Variants in DGKB observed in about 807,000 individuals in gnomAD.
DGKB encodes the protein diacylglycerol kinase beta.
A neutral mutation model predicts 114.3 loss-of-function variants in DGKB; 67 were observed. The observed-to-expected ratio is 0.59, with a 90% CI of 0.48 to 0.72. The LOEUF (loss-of-function observed/expected upper bound fraction) is 0.72, where lower values mean the gene tolerates loss of function less well. Ranked by LOEUF, DGKB falls within the 30% of genes least tolerant of loss-of-function variation. The pLI, the probability that DGKB is intolerant of heterozygous loss-of-function variation, is 0.00. For synonymous variants in DGKB, 398 were observed against 323.1 expected, an observed-to-expected ratio of 1.23 and a Z score of -2.49; for missense variants, 907 against 975.2, an observed-to-expected ratio of 0.93 and a Z score of 0.93.
chr7:14,292,226 C>A (rs17168052), intron 23 of DGKB, among the ~76,000 whole-genome samples: 1,817 of 152,188 alleles, frequency 0.012, 38 homozygotes, highest in African/African-American at 0.041. Context: ...CTCATTTACG[C>A]GTTTTCATCT....
intron 1 of DGKB, among the ~76,000 whole-genome samples, chr7:14,926,107 AT>A (rs1458330486): frequency 6.6e-6 from 1 of 151,950 alleles, no homozygotes; most frequent in African/African-American, 2.4e-5. Context: ...TCATGAATAG[AT>A]TTTTTTCAAA....
chr7:14,365,545 C>T (rs1183097359), intron 21 of DGKB, among the ~76,000 whole-genome samples: 2 of 151,972 alleles, frequency 1.3e-5, no homozygotes, highest in East Asian at 1.9e-4. Flanking sequence ...TAGTATAATA[C>T]ATAGATCATA....
chr7:14,846,175 A>G (rs147329552), intron 1 of DGKB, among the ~76,000 whole-genome samples: 277 of 152,302 alleles, frequency 1.8e-3, no homozygotes, highest in African/African-American at 6.2e-3. Context: ...TTACAAAATA[A>G]TGGTATCTCT....
chr7:14,810,406 T>G (rs1376701106), intron 2 of DGKB, among the ~76,000 whole-genome samples: 2 of 152,200 alleles, frequency 1.3e-5, no homozygotes, highest in Non-Finnish European at 2.9e-5. Context: ...TCTCTGACAT[T>G]TAAATATAAT....
At position 14,840,744 on chromosome 7, in the gene DGKB, A is replaced by ACACACACACACACC. The variant is rs1554298987; in HGVS notation, c.70+449_70+450insGGTGTGTGTGTGTG. 4.5e-4 allele frequency among the ~76,000 whole-genome samples: 52 copies of ACACACACACACACC among 116,308 alleles called. 1 individual carries two copies. Among genetic ancestry groups the ACACACACACACACC allele is most frequent in the Non-Finnish European group, 7.8e-4 (43 of 54,842 alleles). The allele number at this position is 116,308 out of a possible 152,430, so 76.3% of individuals were successfully genotyped here. On this transcript the variant is annotated intron_variant, in intron 2 of 25. Coordinates refer to ENST00000402815, the MANE Select transcript of DGKB (RefSeq NM_001350709.2). ...CACACACACACACACACACACACAC[A>ACACACACACACACC]CCTCTCCCTTTTCCCTCCCTCTTGA... is the stretch of plus-strand genomic sequence containing the variant.
chr7:14,484,060 T>C lies in DGKB; in HGVS notation c.1771-5835A>G, dbSNP rs761202857. 6.6e-5 allele frequency among the ~76,000 whole-genome samples: 10 copies of C among 151,936 alleles called. No individual in the cohort carries two copies. In the South Asian group the frequency reaches 1.0e-3, roughly 16 times the overall value. ...TTTTTTTTTTTTGAGAAAAACATTA[T>C]TCTATAATATTTTAATTCTTTCTTG... On this transcript the variant is annotated intron_variant, in intron 20 of 25. Transcript: ENST00000402815.
Position 14,939,707 on chromosome 7 carries a change from G to A in DGKB, c.-188+34989C>T, listed in dbSNP as rs150480635. On this transcript the variant is annotated intron_variant, in intron 1 of 4. Transcript: ENST00000437998. ...AATGGCACTGCAAGTTGCGCCTCCC[G>A]GCTTCATGCCATTCTCCTGCCTCAG... Among the ~76,000 whole-genome samples, 334 of 126,380 alleles carry A rather than the reference G, an allele frequency of 2.6e-3. 1 individual carries two copies. Among genetic ancestry groups the A allele is most frequent in the African/African-American group, 0.01 (326 of 32,330 alleles). The allele number at this position is 126,380 out of a possible 152,430, so 82.9% of individuals were successfully genotyped here.
chr7:14,258,869 A>C (rs1796319629), intron 23 of DGKB, among the ~76,000 whole-genome samples: 2 of 152,110 alleles, frequency 1.3e-5, no homozygotes, highest in South Asian at 2.1e-4. Flanking sequence ...AAAACATGTA[A>C]TTCTTCCTAG....
chr7:14,870,473 A>T (rs1852288436), intron 1 of DGKB, among the ~76,000 whole-genome samples: 1 of 152,158 alleles, frequency 6.6e-6, no homozygotes, highest in Non-Finnish European at 1.5e-5. Context: ...TTAAGTACGA[A>T]CTTTTGTTAA....
rs1320603947 is a variant in DGKB, at chr7:14,701,700, T to C, written c.497A>G (p.Asn166Ser). Reference sequence around the variant, plus strand: ...AATTACCGAGCTGTCCAGGAAGCCATTCCCATCCGTGTCATAAAGGCGAAA... The same window carrying C: ...AATTACCGAGCTGTCCAGGAAGCCACTCCCATCCGTGTCATAAAGGCGAAA... ...FMFRLYDTDGNGFLDSSELEN... is the reference protein window; with the variant it reads ...FMFRLYDTDGSGFLDSSELEN... Residue 166 changes from asparagine to serine, a missense_variant, in exon 7 of 26, where the codon AAT becomes AGT. By Grantham distance (46) the Asn-to-Ser change is conservative. Coordinates refer to ENST00000402815, the MANE Select transcript of DGKB (RefSeq NM_001350709.2). The C allele has an allele frequency of 1.2e-6, 2 of 1,612,454 alleles. No individual in the cohort carries two copies. Among genetic ancestry groups the C allele is most frequent in the East Asian group, 2.2e-5 (1 of 44,798 alleles).
chr7:14,695,656 C>A (rs567930489), intron 8 of DGKB, among the ~76,000 whole-genome samples: 17 of 151,940 alleles, frequency 1.1e-4, no homozygotes, highest in Admixed American at 3.9e-4. Flanking sequence ...TCCGCCACTA[C>A]GCCCGGCTGA....
At chr7:14,756,377 T>C (rs997116883) in intron 3 of DGKB, among the ~76,000 whole-genome samples, 1 of 151,998 alleles carries the variant, frequency 6.6e-6, no homozygotes, top group Non-Finnish European at 1.5e-5. Context: ...CCTCCTCCTC[T>C]ATGGCATCTA....
intron 23 of DGKB, among the ~76,000 whole-genome samples, chr7:14,331,496 C>T (rs932958326): frequency 6.6e-6 from 1 of 151,832 alleles, no homozygotes; most frequent in Non-Finnish European, 1.5e-5. Context: ...CCTAAATAAC[C>T]CATAGAAATG....
chr7:14,884,911 C>T (rs1432759564), intron 1 of DGKB, among the ~76,000 whole-genome samples: 1 of 151,882 alleles, frequency 6.6e-6, no homozygotes, highest in Non-Finnish European at 1.5e-5. Context: ...TTCTCCTAAG[C>T]CTGCTTTCCT....
chr7:14,178,015 A>C lies in DGKB; in HGVS notation c.2243+16T>G. 6.5e-7 allele frequency: 1 copy of C among 1,532,962 alleles called. No homozygotes were observed. The highest frequency in any genetic ancestry group is 8.7e-7 in the Non-Finnish European group (1 of 1,147,414). The allele number at this position is 1,532,962 out of a possible 1,614,324, so 95.0% of individuals were successfully genotyped here. On this transcript the variant is annotated intron_variant, in intron 24 of 25. Transcript: ENST00000402815. Reference sequence around the variant, plus strand: ...GCCATATCAAACGCCTTTGTCAGTTACAGAAAGGGAACTACCTGATGACCA... The same window carrying C: ...GCCATATCAAACGCCTTTGTCAGTTCCAGAAAGGGAACTACCTGATGACCA...
intron 21 of DGKB, among the ~76,000 whole-genome samples, chr7:14,362,093 TAC>T (rs1180036796): frequency 2.0e-5 from 3 of 152,004 alleles, no homozygotes; most frequent in Non-Finnish European, 4.4e-5. Context: ...CTGAACAGAT[TAC>T]AGAGATTAGG....
chr7:14,305,561 G>A (rs1735332083), intron 23 of DGKB, among the ~76,000 whole-genome samples: 1 of 152,092 alleles, frequency 6.6e-6, no homozygotes, highest in Admixed American at 6.6e-5. Flanking sequence ...CCTATTCAGG[G>A]CTGGAATTCA....
intron 20 of DGKB, among the ~76,000 whole-genome samples, chr7:14,571,224 G>T (rs1470004589): frequency 6.6e-6 from 1 of 152,192 alleles, no homozygotes; most frequent in African/African-American, 2.4e-5. Flanking sequence ...TGATATTTCA[G>T]ATTTGGGTTG....
At chr7:14,907,087 G>T (rs1010112559), upstream of DGKB, among the ~76,000 whole-genome samples, 4 of 152,118 alleles carry the variant, frequency 2.6e-5, no homozygotes, top group African/African-American at 7.2e-5. Context: ...TTTTCCACTG[G>T]TTTTAAATCA....
Sources: allele counts gnomAD v4.1 joint callset (sites outside exome capture counted in the v4.1 genomes callset), GRCh38; gene constraint gnomAD v4.1.1; transcripts MANE v1.5; gene names NCBI Gene and HGNC (gene_info 2026-07-23, HGNC 2026-07-21).